The following XKR9 variants were observed in gnomAD, a reference collection of about 807,000 sequenced individuals.
The protein encoded by XKR9 is XK related 9, also known as XK-related protein 9.
XKR9 carries 32 observed loss-of-function variants against 32.0 expected under a neutral mutation model. That is an observed-to-expected ratio of 1.00 (90% CI 0.76 to 1.34). The LOEUF (loss-of-function observed/expected upper bound fraction) is 1.34, where lower values mean the gene tolerates loss of function less well. XKR9 is among the 40% of genes most tolerant of loss of function. XKR9 has a pLI of 0.00. For synonymous variants in XKR9, 168 were observed against 143.4 expected (o/e 1.17, Z -1.22); for missense variants, 546 against 429.7 (o/e 1.27, Z -2.39).
At chr8:70,769,336 G>T (rs1807421788) in intron 2 of XKR9, among the ~76,000 whole-genome samples, 2 of 151,830 alleles carry the variant, frequency 1.3e-5, no homozygotes, top group South Asian at 4.2e-4. Context: ...CCCTTTGTGG[G>T]TTATCTGACC....
At chr8:71,052,985 CT>C in the XKR9 span, among the ~76,000 whole-genome samples, 1 of 152,142 alleles carries the variant, frequency 6.6e-6, no homozygotes, top group Non-Finnish European at 1.5e-5. Flanking sequence ...TCCAATGGTA[CT>C]TAAAAGAGAT....
the XKR9 span, among the ~76,000 whole-genome samples, chr8:71,046,220 C>A: frequency 6.6e-6 from 1 of 152,096 alleles, no homozygotes; most frequent in Non-Finnish European, 1.5e-5. Flanking sequence ...TATTAGGGAA[C>A]CTTAGCATTT....
chr8:70,912,800 G>A, the XKR9 span, among the ~76,000 whole-genome samples: 1 of 151,916 alleles, frequency 6.6e-6, no homozygotes. Flanking sequence ...AAGAAGAAGA[G>A]GTAGGTAGTG....
chr8:70,709,896 G>A (rs1229589988), intron 4 of XKR9, among the ~76,000 whole-genome samples: 5 of 151,694 alleles, frequency 3.3e-5, no homozygotes, highest in African/African-American at 7.2e-5. Context: ...TACAGATTCA[G>A]TGCTGTTCCT....
the XKR9 span, among the ~76,000 whole-genome samples, chr8:71,016,062 T>C: frequency 2.0e-5 from 3 of 150,294 alleles, no homozygotes; most frequent in Admixed American, 6.7e-5. Context: ...GCAATCCATT[T>C]TCCCCCCCGG....
At chr8:70,855,122 G>T in the XKR9 span, among the ~76,000 whole-genome samples, 1 of 152,060 alleles carries the variant, frequency 6.6e-6, no homozygotes, top group Admixed American at 6.6e-5. Flanking sequence ...CAGTATGATG[G>T]ATGGAGAATG....
intron 2 of XKR9, among the ~76,000 whole-genome samples, chr8:70,785,196 G>A (rs900992543): frequency 1.3e-4 from 19 of 151,898 alleles, no homozygotes; most frequent in African/African-American, 4.6e-4. Context: ...CTAATTATTG[G>A]TCTCTTCAGA....
rs116379708 is a variant in XKR9, at chr8:70,750,958, G to A, written n.353-38381G>A. On this transcript the variant is annotated intron_variant and non_coding_transcript_variant, in intron 2 of 3. Transcript: ENST00000520273. Reference sequence around the variant, plus strand: ...AGCAAAACATATTGCTCTCCGTAGTGTGGTTGGGCCTCATCTACTCAGTTG... The same window carrying A: ...AGCAAAACATATTGCTCTCCGTAGTATGGTTGGGCCTCATCTACTCAGTTG... Among the ~76,000 whole-genome samples the A allele has an allele frequency of 5.2e-3, 799 of 152,282 alleles. 7 individuals carry two copies. The highest frequency in any genetic ancestry group is 0.018 in the African/African-American group (767 of 41,546).
At chr8:70,898,090 A>G in the XKR9 span, among the ~76,000 whole-genome samples, 1 of 152,166 alleles carries the variant, frequency 6.6e-6, no homozygotes, top group Admixed American at 6.5e-5. Flanking sequence ...ATTTTTGTAT[A>G]TGGTGAGGGA....
the XKR9 span, among the ~76,000 whole-genome samples, chr8:70,883,467 T>A: frequency 1.3e-5 from 2 of 152,260 alleles, no homozygotes; most frequent in South Asian, 2.1e-4. Flanking sequence ...CTTCATATAA[T>A]GACTTCTTTC....
chr8:70,829,256 T>G, the XKR9 span, among the ~76,000 whole-genome samples: 4 of 152,208 alleles, frequency 2.6e-5, no homozygotes, highest in Admixed American at 2.6e-4. Context: ...ACAGGACTTC[T>G]GTATAGGTTA....
chr8:70,765,010 G>T lies in XKR9; in HGVS notation n.353-24329G>T, dbSNP rs1807356212. Among the ~76,000 whole-genome samples, 3 of 152,172 alleles carry T rather than the reference G, an allele frequency of 2.0e-5. No homozygotes were observed. In the South Asian group the frequency reaches 6.2e-4, roughly 32 times the overall value. On this transcript the variant is annotated intron_variant and non_coding_transcript_variant, in intron 2 of 3. Transcript: ENST00000520273. ...TCTATCATTGTTGGGCATGTGGGTTGGTTCCAAGTCTTTGCTGTTGTGAAT... is the reference window on the plus strand; with the variant it reads ...TCTATCATTGTTGGGCATGTGGGTTTGTTCCAAGTCTTTGCTGTTGTGAAT...
chr8:70,872,918 C>A, the XKR9 span, among the ~76,000 whole-genome samples: 2 of 152,168 alleles, frequency 1.3e-5, no homozygotes, highest in African/African-American at 4.8e-5. Flanking sequence ...CCTTGGCCTC[C>A]TAAAGTGCTA....
the XKR9 span, among the ~76,000 whole-genome samples, chr8:70,828,379 C>A: frequency 6.6e-6 from 1 of 152,144 alleles, no homozygotes; most frequent in African/African-American, 2.4e-5. Flanking sequence ...GGGACAAGAG[C>A]TTCCAAGGTT....
At chr8:70,803,213 T>G in the XKR9 span, among the ~76,000 whole-genome samples, 1 of 152,186 alleles carries the variant, frequency 6.6e-6, no homozygotes, top group Non-Finnish European at 1.5e-5. Context: ...TGGACATTCT[T>G]TCCTCAATTT....
chr8:70,751,788 C>T (rs111868251), intron 2 of XKR9, among the ~76,000 whole-genome samples: 8 of 152,200 alleles, frequency 5.3e-5, no homozygotes, highest in African/African-American at 1.7e-4. Flanking sequence ...TCTTTGGGCT[C>T]GAAGTAAAAG....
At chr8:70,777,334 A>C (rs1563477363) in intron 2 of XKR9, among the ~76,000 whole-genome samples, 1 of 151,884 alleles carries the variant, frequency 6.6e-6, no homozygotes, top group Admixed American at 6.6e-5. Context: ...TATGTGTCAC[A>C]TTTTCTTTAT....
chr8:70,855,538 G>GTT, the XKR9 span, among the ~76,000 whole-genome samples: 2 of 152,186 alleles, frequency 1.3e-5, no homozygotes, highest in African/African-American at 4.8e-5. Flanking sequence ...ATGGAACGAA[G>GTT]TTGCAAAACA....
chr8:70,737,204 C>T (rs995347403), downstream of XKR9, among the ~76,000 whole-genome samples: 2 of 147,618 alleles, frequency 1.4e-5, no homozygotes, highest in African/African-American at 5.0e-5. Flanking sequence ...AGTTGGATTC[C>T]TAAGTATTTT....
Sources: allele counts gnomAD v4.1 joint callset (sites outside exome capture counted in the v4.1 genomes callset), GRCh38; gene constraint gnomAD v4.1.1; transcripts MANE v1.5; gene names NCBI Gene and HGNC (gene_info 2026-07-23, HGNC 2026-07-21).